GPHN: variants seen among roughly 807,000 people sequenced by gnomAD.
The protein encoded by GPHN is gephyrin.
In GPHN, 17 loss-of-function variants were observed where a neutral mutation model predicts 95.5. The observed-to-expected ratio is 0.18, with a 90% CI of 0.12 to 0.27. The LOEUF is 0.27. Ranked by LOEUF, GPHN falls within the 10% of genes least tolerant of loss-of-function variation. The probability of loss-of-function intolerance (pLI) is 1.00; values close to 1 mark genes in which losing one functional copy is unlikely to be tolerated. For synonymous variants in GPHN, 320 were observed against 322.5 expected, an observed-to-expected ratio of 0.99 and a Z score of 0.08; for missense variants, 660 against 978.1, an observed-to-expected ratio of 0.67 and a Z score of 4.34.
At chr14:66,758,454 A>G (rs1479650251) in intron 2 of GPHN, among the ~76,000 whole-genome samples, 1 of 152,230 alleles carries the variant, frequency 6.6e-6, no homozygotes, top group African/African-American at 2.4e-5. Flanking sequence ...AATCTCCCTC[A>G]GAGGCTTGTC....
chr14:67,273,208 C>G, the GPHN span, among the ~76,000 whole-genome samples: 1 of 151,212 alleles, frequency 6.6e-6, no homozygotes, highest in Non-Finnish European at 1.5e-5. Flanking sequence ...TGTTGGTGTG[C>G]TGCACCCATT....
At chr14:67,000,105 A>C (rs2153610036) in intron 9 of GPHN, among the ~76,000 whole-genome samples, 1 of 151,930 alleles carries the variant, frequency 6.6e-6, no homozygotes, top group Middle Eastern at 3.4e-3. Flanking sequence ...TAGCTACCTA[A>C]AGGAATGATG....
At chr14:66,527,933 G>A (rs554360179) in intron 1 of GPHN, among the ~76,000 whole-genome samples, 34 of 152,162 alleles carry the variant, frequency 2.2e-4, no homozygotes, top group African/African-American at 7.2e-5. Context: ...TGAGAAGAAT[G>A]TATATTCTGT....
chr14:67,114,364 G>A (rs2078553316), intron 16 of GPHN, among the ~76,000 whole-genome samples: 1 of 152,062 alleles, frequency 6.6e-6, no homozygotes, highest in South Asian at 2.1e-4. Context: ...TGTGCAACAA[G>A]TAAGTTCATG....
chr14:66,700,072 G>T (rs1029767291), intron 2 of GPHN, among the ~76,000 whole-genome samples: 12 of 151,904 alleles, frequency 7.9e-5, no homozygotes, highest in Admixed American at 7.9e-4. Flanking sequence ...TGTCTTATAC[G>T]GGCTATTCAA....
chr14:67,536,434 A>G, the GPHN span, among the ~76,000 whole-genome samples: 1 of 151,856 alleles, frequency 6.6e-6, no homozygotes, highest in Non-Finnish European at 1.5e-5. Context: ...GAAGTCATAC[A>G]GATACTCACA....
chr14:66,571,106 A>G (rs1482967254), intron 1 of GPHN, among the ~76,000 whole-genome samples: 2 of 152,210 alleles, frequency 1.3e-5, no homozygotes, highest in African/African-American at 2.4e-5. Flanking sequence ...AAGAGGTTTA[A>G]TTGTCTCACA....
At chr14:67,315,796 G>T in the GPHN span, among the ~76,000 whole-genome samples, 1 of 152,096 alleles carries the variant, frequency 6.6e-6, no homozygotes, top group African/African-American at 2.4e-5. Flanking sequence ...ATGGTGGCGG[G>T]CCCCTGTAAT....
chr14:66,514,913 T>C (rs1053923477), intron 1 of GPHN, among the ~76,000 whole-genome samples: 13 of 152,134 alleles, frequency 8.5e-5, no homozygotes, highest in African/African-American at 2.7e-4. Flanking sequence ...GATAGAACTT[T>C]GGAGTCAGAT....
chr14:66,528,041 G>C (rs979267477), intron 1 of GPHN, among the ~76,000 whole-genome samples: 1 of 151,986 alleles, frequency 6.6e-6, no homozygotes, highest in African/African-American at 2.4e-5. Context: ...CTGTCTCGTT[G>C]ATCTGTCTAA....
the GPHN span, among the ~76,000 whole-genome samples, chr14:67,272,859 G>A: frequency 5.4e-3 from 821 of 152,152 alleles, 6 homozygotes; most frequent in African/African-American, 0.019. Flanking sequence ...TGTAGAGATG[G>A]GGTATCACCA....
intron 4 of GPHN, among the ~76,000 whole-genome samples, chr14:66,864,475 A>G (rs1050991071): frequency 2.0e-5 from 3 of 152,130 alleles, no homozygotes; most frequent in African/African-American, 7.2e-5. Context: ...TATGTACCCA[A>G]AAGAATGGAA....
At chr14:67,653,574 G>T in the GPHN span, 1 of 1,331,688 alleles carries the variant, frequency 7.5e-7, no homozygotes, top group Non-Finnish European at 1.1e-6. Flanking sequence ...TAGATTAACA[G>T]TAGGCATTAA....
chr14:67,541,900 C>T, the GPHN span: 5 of 1,603,234 alleles, frequency 3.1e-6, no homozygotes, highest in Admixed American at 1.7e-5. Context: ...CGCCGGCCAG[C>T]GTAGACTGGC....
chr14:67,011,641 T>A (rs1297714138), intron 9 of GPHN, among the ~76,000 whole-genome samples: 1 of 151,696 alleles, frequency 6.6e-6, no homozygotes, highest in Non-Finnish European at 1.5e-5. Context: ...GGGGCATATG[T>A]TGACCCGGCA....
At chr14:67,055,986 G>A (rs2075546966) in intron 10 of GPHN, among the ~76,000 whole-genome samples, 1 of 152,198 alleles carries the variant, frequency 6.6e-6, no homozygotes, top group African/African-American at 2.4e-5. Flanking sequence ...GAGTGAAGCT[G>A]CAGACCTTCA....
chr14:67,126,755 C>T (rs1331897287), intron 17 of GPHN, among the ~76,000 whole-genome samples: 1 of 150,820 alleles, frequency 6.6e-6, no homozygotes, highest in Non-Finnish European at 1.5e-5. Context: ...GGTGTATACC[C>T]AAAGGACTAT....
At chr14:66,726,840 A>C (rs2071286370) in intron 2 of GPHN, among the ~76,000 whole-genome samples, 1 of 152,232 alleles carries the variant, frequency 6.6e-6, no homozygotes, top group Non-Finnish European at 1.5e-5. Context: ...AGTGAATTGC[A>C]ATCAAAACTT....
intron 3 of GPHN, among the ~76,000 whole-genome samples, chr14:66,822,294 A>C (rs1026673486): frequency 6.6e-6 from 1 of 152,194 alleles, no homozygotes; most frequent in Non-Finnish European, 1.5e-5. Flanking sequence ...CTACCCAACT[A>C]TCTGTGAAAT....
Sources: gnomAD v4.1 joint callset for allele counts (sites outside exome capture counted in the v4.1 genomes callset) on GRCh38, gnomAD v4.1.1 for gene constraint, MANE v1.5 for transcripts, NCBI Gene and HGNC (gene_info 2026-07-23, HGNC 2026-07-21) for gene names.